LRP5: variants seen among roughly 807,000 people sequenced by gnomAD.
The protein encoded by LRP5 is LDL receptor related protein 5.
A neutral mutation model predicts 154.1 loss-of-function variants in LRP5; 62 were observed. That is an observed-to-expected ratio of 0.40 (90% CI 0.33 to 0.50). LRP5 has a LOEUF of 0.50. LRP5 is among the 20% of genes least tolerant of loss of function. The pLI is 0.55. For missense variants in LRP5, 1,915 were observed against 2,336.7 expected, an observed-to-expected ratio of 0.82 and a Z score of 3.72; for synonymous variants, 966 against 1,011.5, an observed-to-expected ratio of 0.96 and a Z score of 0.85.
intron 12 of LRP5, among the ~76,000 whole-genome samples, chr11:68,414,945 G>C (rs2098661683): frequency 6.6e-6 from 1 of 152,232 alleles, no homozygotes; most frequent in African/African-American, 2.4e-5. Context: ...TGACCTTAGA[G>C]AGCCAAATGG....
intron 8 of LRP5, among the ~76,000 whole-genome samples, chr11:68,406,007 C>T (rs1368491272): frequency 4.6e-5 from 7 of 152,244 alleles, no homozygotes; most frequent in Admixed American, 3.3e-4. Flanking sequence ...CCGAGCTGCT[C>T]CCTGACTTCC....
chr11:68,341,059 C>CCTTTTTTTTTTTTTTTTTTTTTT lies in LRP5; in HGVS notation c.92-6788_92-6787insCTTTTTTTTTTTTTTTTTTTTTT, dbSNP rs1555071026. Among the ~76,000 whole-genome samples, 53 of 83,464 alleles carry CCTTTTTTTTTTTTTTTTTTTTTT rather than the reference C, an allele frequency of 6.4e-4. 2 individuals carry two copies. The highest frequency in any genetic ancestry group is 2.3e-3 in the African/African-American group (48 of 21,004). The allele number at this position is 83,464 out of a possible 152,430, so 54.8% of individuals were successfully genotyped here. A position where few individuals can be genotyped will look rare whatever the true frequency, so the allele number is the denominator to read the frequency against. ...GTTACCCCTGCCGCTGGAGATTGTT[C>CCTTTTTTTTTTTTTTTTTTTTTT]TTTTTTTTTTTTTTTTTTTGCTATT... is the stretch of plus-strand genomic sequence containing the variant. On this transcript the variant is annotated intron_variant, in intron 1 of 22. Coordinates refer to ENST00000294304, the MANE Select transcript of LRP5 (RefSeq NM_002335.4).
In LRP5 at chr11:68,348,130, G is replaced by T. The variant is rs780348578; in HGVS notation, c.375G>T (p.Thr125=). The T allele has an allele frequency of 9.9e-5, 159 of 1,613,954 alleles. No individual in the cohort carries two copies. The highest frequency in any genetic ancestry group is 6.6e-4 in the Middle Eastern group (4 of 6,084). Residue 125 remains threonine, a synonymous_variant, in exon 2 of 23, where the codon ACG becomes ACT. Coordinates refer to ENST00000294304, the MANE Select transcript of LRP5 (RefSeq NM_002335.4). ...CDWVGKKLYW[T]DSETNRIEVA... ...GGGTGGGCAAGAAGCTGTACTGGAC[G>T]GACTCAGAGACCAACCGCATCGAGG... is the stretch of plus-strand genomic sequence containing the variant.
chr11:68,439,947 G>C, intron 21 of LRP5, 31 bp downstream of exon 21: 1 of 1,495,022 alleles, frequency 6.7e-7, no homozygotes. Flanking sequence ...GGGGCGGGGC[G>C]GGATGGGGCT....
intron 10 of LRP5, 36 bp from the exon 11 acceptor site, chr11:68,411,400 C>G (rs745585043): frequency 5.6e-6 from 9 of 1,603,834 alleles, no homozygotes; most frequent in Non-Finnish European, 7.6e-6. Context: ...TGAGAGCAGA[C>G]TCACTGAGCC....
chr11:68,439,174 C>T (rs1023890915), intron 20 of LRP5, among the ~76,000 whole-genome samples: 30 of 152,194 alleles, frequency 2.0e-4, no homozygotes, highest in Non-Finnish European at 4.3e-4. Flanking sequence ...CAGAGCTGCA[C>T]CATGCTGGTT....
chr11:68,416,410 C>T lies in LRP5; in HGVS notation c.2910C>T (p.Ile970=), dbSNP rs779697005. The change falls in exon 13 of 23, where the codon ATC becomes ATT. Residue 970 remains isoleucine, a synonymous_variant. Transcript: ENST00000294304. The part of the protein sequence containing the change: ...IPDDQHSPDL[I]LPLHGLRNVK... ...ACGACCAGCACAGCCCGGATCTCAT[C>T]CTGCCCCTGCATGGACTGAGGAACG... 5.6e-6 allele frequency: 9 copies of T among 1,614,094 alleles called. No homozygotes were observed. Among genetic ancestry groups the T allele is most frequent in the Non-Finnish European group, 7.6e-6 (9 of 1,180,040 alleles).
chr11:68,323,386 G>C (rs557867324), intron 1 of LRP5, among the ~76,000 whole-genome samples: 25 of 152,260 alleles, frequency 1.6e-4, no homozygotes, highest in African/African-American at 5.5e-4. Context: ...GGGATTACAG[G>C]CGTGAGCCAC....
chr11:68,348,565 T>A lies in LRP5; in HGVS notation c.488+322T>A, dbSNP rs1039978693. 1.4e-5 allele frequency among the ~76,000 whole-genome samples: 2 copies of A among 146,652 alleles called. 1 individual carries two copies. Among genetic ancestry groups the A allele is most frequent in the African/African-American group, 5.2e-5 (2 of 38,402 alleles). On this transcript the variant is annotated intron_variant, in intron 2 of 22. Coordinates refer to ENST00000294304, the MANE Select transcript of LRP5 (RefSeq NM_002335.4). ...ACTCGTGGGGGGGTTGGTTCAGGCC[T>A]GTAACCCCAGCACTCGGTGTCACTC...
intron 2 of LRP5, among the ~76,000 whole-genome samples, chr11:68,356,391 C>T (rs1322100047): frequency 2.0e-5 from 3 of 152,108 alleles, no homozygotes; most frequent in South Asian, 4.1e-4. Flanking sequence ...CCCACCTCAG[C>T]CTCCCGAAGT....
chr11:68,384,824 G>A (rs1423000650), intron 5 of LRP5, among the ~76,000 whole-genome samples: 2 of 152,188 alleles, frequency 1.3e-5, no homozygotes, highest in South Asian at 2.1e-4. Flanking sequence ...TGGCTGAAAG[G>A]TTGGGGGGTC....
chr11:68,310,242 G>A (rs2098586943), upstream of LRP5, among the ~76,000 whole-genome samples: 1 of 152,150 alleles, frequency 6.6e-6, no homozygotes. Flanking sequence ...AGCTGAAGAG[G>A]TAAGAGAGTG....
chr11:68,445,526 T>C (rs1179617464), intron 21 of LRP5: 2 of 1,122,740 alleles, frequency 1.8e-6, no homozygotes, highest in African/African-American at 1.6e-5. Context: ...CTGAGAGAAC[T>C]GAGTCCCTCG....
chr11:68,434,350 T>TTTCATTCATTCA (rs3138551), intron 18 of LRP5, among the ~76,000 whole-genome samples: 2 of 143,348 alleles, frequency 1.4e-5, no homozygotes, highest in Non-Finnish European at 1.5e-5. Flanking sequence ...GTGAGTTTTC[T>TTTCATTCATTCA]TTCATTCATT....
intron 21 of LRP5, among the ~76,000 whole-genome samples, chr11:68,443,022 A>G (rs1419130268): frequency 6.6e-6 from 1 of 151,962 alleles, no homozygotes; most frequent in East Asian, 1.9e-4. Context: ...GGCTGTTTCA[A>G]CCACTCCTGC....
intron 3 of LRP5, among the ~76,000 whole-genome samples, chr11:68,363,145 T>A (rs141508461): frequency 3.3e-4 from 50 of 152,350 alleles, no homozygotes; most frequent in African/African-American, 1.2e-3. Context: ...ATGGCCTGAT[T>A]TGTATACAGA....
chr11:68,440,512 C>T (rs1264815996), intron 21 of LRP5, among the ~76,000 whole-genome samples: 1 of 152,232 alleles, frequency 6.6e-6, no homozygotes, highest in Non-Finnish European at 1.5e-5. Context: ...GGAGAACCCC[C>T]GTTTCTGGGA....
rs1485210276 is a variant in LRP5 at position 68,373,339 on chromosome 11, G to A, written c.1015+7637G>A. ...GGGACCCCAAGGGACAGGGAGCAGC[G>A]TTCCCAGGGGCACACAGGCGGCCTC... On this transcript the variant is annotated intron_variant, in intron 5 of 22. Transcript: ENST00000294304. Among the ~76,000 whole-genome samples, 8 of 152,166 alleles carry A rather than the reference G, an allele frequency of 5.3e-5. No homozygotes were observed. The East Asian group carries it at 9.6e-4, about 18-fold the overall frequency.
intron 4 of LRP5, among the ~76,000 whole-genome samples, chr11:68,364,322 G>A (rs2098629714): frequency 6.6e-6 from 1 of 150,558 alleles, no homozygotes; most frequent in Non-Finnish European, 1.5e-5. Context: ...ACGTATGTGT[G>A]TATATATATA....
Sources: gnomAD v4.1 joint callset for allele counts (sites outside exome capture counted in the v4.1 genomes callset) on GRCh38, gnomAD v4.1.1 for gene constraint, MANE v1.5 for transcripts, NCBI Gene and HGNC (gene_info 2026-07-23, HGNC 2026-07-21) for gene names.